Variants in TRPV2 observed in about 807,000 individuals in gnomAD.
TRPV2 encodes the protein OTRPC2.
A neutral mutation model predicts 91.0 loss-of-function variants in TRPV2; 58 were observed. The observed-to-expected ratio is 0.64, with a 90% CI of 0.52 to 0.79. The LOEUF is 0.79. Ranked by LOEUF, TRPV2 falls within the 30% of genes least tolerant of loss-of-function variation. The pLI is 0.00. For missense variants in TRPV2, 807 were observed against 969.6 expected (o/e 0.83, Z 2.23); for synonymous variants, 417 against 414.8 (o/e 1.01, Z -0.06).
Position 16,422,587 on chromosome 17 carries a change from T to G in TRPV2, c.335-12T>G. ...GCACCACTGTGCCCCTTCCCCTCCC[T>G]TCTTCCCACAGAGGGCTCCACAGGT... On this transcript the variant is annotated splice_polypyrimidine_tract_variant and intron_variant, in intron 3 of 14. Coordinates refer to ENST00000338560, the MANE Select transcript of TRPV2 (RefSeq NM_016113.5). 1.2e-6 allele frequency: 2 copies of G among 1,609,198 alleles called. No homozygotes were observed. The highest frequency in any genetic ancestry group is 1.7e-6 in the Non-Finnish European group (2 of 1,176,928).
chr17:16,428,804 T>A lies in TRPV2; in HGVS notation c.1422-13T>A. On this transcript the variant is annotated splice_polypyrimidine_tract_variant and intron_variant, in intron 9 of 14. Coordinates refer to ENST00000338560, the MANE Select transcript of TRPV2 (RefSeq NM_016113.5). ...GTGGCCCGCAAGCCCACCTGGATTC[T>A]GCTCCCACACAGCCTGTTCCAGGCC... is the stretch of plus-strand genomic sequence containing the variant. The A allele has an allele frequency of 6.2e-7, 1 of 1,612,680 alleles. No homozygotes were observed. The highest frequency in any genetic ancestry group is 8.5e-7 in the Non-Finnish European group (1 of 1,179,912).
In TRPV2 at chr17:16,427,466, G is replaced by C; in HGVS notation, c.1269G>C (p.Leu423=). ...GTCTTCAGCAGGCCGCCCCTCACCT[G>C]AAAGCGGAGGTTGGAAACTCCATGC... ...PTLKKQAAPH[L]KAEVGNSMLL... Residue 423 remains leucine, a synonymous_variant, in exon 8 of 15, where the codon CTG becomes CTC. Transcript: ENST00000338560. 1 of 1,613,912 alleles carries C rather than the reference G, an allele frequency of 6.2e-7. No individual in the cohort carries two copies. The highest frequency in any genetic ancestry group is 8.5e-7 in the Non-Finnish European group (1 of 1,179,860).
chr17:16,434,053 C>T (rs2093424835), intron 13 of TRPV2, among the ~76,000 whole-genome samples: 1 of 152,124 alleles, frequency 6.6e-6, no homozygotes, highest in African/African-American at 2.4e-5. Context: ...TGTCCCCCCA[C>T]CCCCAATTCT....
intron 8 of TRPV2, 144 bp from the exon 9 acceptor site, chr17:16,428,173 G>A (rs2093392972): frequency 2.8e-6 from 2 of 721,234 alleles, no homozygotes; most frequent in Non-Finnish European, 4.8e-6. Context: ...AGCTATCTCA[G>A]CTATCAGAAG....
At chr17:16,431,921 C>T (rs374119730) in intron 11 of TRPV2, 45 bp from the exon 12 acceptor site, 136 of 1,612,240 alleles carry the variant, frequency 8.4e-5, no homozygotes, top group African/African-American at 2.7e-5. Flanking sequence ...CCAAGGCTGC[C>T]CACCGGTCTC....
chr17:16,419,307 C>G (rs749451727), intron 2 of TRPV2: 7 of 470,766 alleles, frequency 1.5e-5, no homozygotes, highest in Non-Finnish European at 3.1e-5. Flanking sequence ...TTCTGACAAG[C>G]TACCAGATCC....
chr17:16,422,193 T>G (rs979044120), intron 3 of TRPV2, among the ~76,000 whole-genome samples: 2 of 151,160 alleles, frequency 1.3e-5, no homozygotes, highest in African/African-American at 4.9e-5. Flanking sequence ...TGTGGCGGTG[T>G]GCGCCTGTGG....
chr17:16,431,719 AG>A (rs2093413364), intron 10 of TRPV2, 64 bp from the exon 11 acceptor site: 6 of 1,472,894 alleles, frequency 4.1e-6, no homozygotes, highest in Non-Finnish European at 4.8e-6. Flanking sequence ...TGGGTGAGGC[AG>A]GGTTCTGGGG....
At position 16,426,900 on chromosome 17, in the gene TRPV2, G is replaced by C. The variant is rs1214583978; in HGVS notation, c.1251+23G>C. The C allele has an allele frequency of 6.2e-7, 1 of 1,601,662 alleles. No individual in the cohort carries two copies. Among genetic ancestry groups the C allele is most frequent in the Admixed American group, 1.7e-5 (1 of 58,960 alleles). ...AAGGCAAGGGCGTGAGGTTTGGGGGGGCACATCTTGGGGGAGGCCTGCTTG... is the reference window on the plus strand; with the variant it reads ...AAGGCAAGGGCGTGAGGTTTGGGGGCGCACATCTTGGGGGAGGCCTGCTTG... On this transcript the variant is annotated intron_variant, in intron 7 of 14. Coordinates refer to ENST00000338560, the MANE Select transcript of TRPV2 (RefSeq NM_016113.5). This position sits in a 1 kb window ranked among gnomAD's most constrained non-coding sequence, Gnocchi z 6.0.
intron 3 of TRPV2, 118 bp downstream of exon 3, chr17:16,420,366 A>G (rs2093351171): frequency 7.8e-7 from 1 of 1,281,776 alleles, no homozygotes; most frequent in Non-Finnish European, 1.1e-6. Flanking sequence ...CAGCCCTCCC[A>G]CTGGAAGGAT....
At chr17:16,421,678 C>T (rs573857793) in intron 3 of TRPV2, among the ~76,000 whole-genome samples, 5 of 151,914 alleles carry the variant, frequency 3.3e-5, no homozygotes, top group East Asian at 2.0e-4. Flanking sequence ...CCCAGCACTG[C>T]GCCTGGCTAA....
At chr17:16,416,680 GA>G (rs1251332593) in intron 1 of TRPV2, 2 of 152,180 alleles carry the variant, frequency 1.3e-5, no homozygotes, top group Non-Finnish European at 2.9e-5. Flanking sequence ...GACAGACCCT[GA>G]AAGGCTTTGA....
intron 2 of TRPV2, among the ~76,000 whole-genome samples, chr17:16,418,599 G>A (rs147237814): frequency 9.3e-4 from 141 of 152,212 alleles, no homozygotes; most frequent in Non-Finnish European, 1.6e-3. Context: ...TCCTGTTTGT[G>A]CTGGAGGACA....
intron 10 of TRPV2, 26 bp from the exon 11 acceptor site, chr17:16,431,758 C>A (rs1403491118): frequency 2.5e-6 from 4 of 1,613,046 alleles, no homozygotes; most frequent in Non-Finnish European, 3.4e-6. Context: ...GCTACCCACC[C>A]TGGCCCCTGG....
chr17:16,421,389 TG>T (rs2093355915), intron 3 of TRPV2, among the ~76,000 whole-genome samples: 3 of 150,886 alleles, frequency 2.0e-5, no homozygotes, highest in South Asian at 4.2e-4. Flanking sequence ...GCTAATTTTT[TG>T]TATTTTTTTA....
At chr17:16,430,765 G>A (rs1490739015) in intron 10 of TRPV2, among the ~76,000 whole-genome samples, 1 of 152,182 alleles carries the variant, frequency 6.6e-6, no homozygotes, top group Non-Finnish European at 1.5e-5. Flanking sequence ...GGGATTGCAG[G>A]CTGAGCCATC....
intron 5 of TRPV2, among the ~76,000 whole-genome samples, chr17:16,424,167 T>G (rs1333320764): frequency 6.6e-6 from 1 of 151,152 alleles, no homozygotes; most frequent in Non-Finnish European, 1.5e-5. Context: ...TTTTGTTTTT[T>G]TTTTTTTTGA....
At chr17:16,421,969 G>C (rs1427285703) in intron 3 of TRPV2, among the ~76,000 whole-genome samples, 1 of 152,086 alleles carries the variant, frequency 6.6e-6, no homozygotes, top group African/African-American at 2.4e-5. Context: ...TGAATGTTCT[G>C]CTGTAGACAG....
chr17:16,423,698 G>A lies in TRPV2; in HGVS notation c.855G>A (p.Gln285=), dbSNP rs938250315. The part of the protein sequence containing the change: ...QAGARLCPTV[Q]LEDIRNLQDL... ...GGGCCCGCCTCTGCCCTACCGTGCA[G>A]CTTGAGGACATCCGCAACCTGCAGG... is the stretch of plus-strand genomic sequence containing the variant. The change falls in exon 5 of 15, where the codon CAG becomes CAA. Residue 285 remains glutamine (Q), a synonymous_variant. Transcript: ENST00000338560. 1 of 1,612,916 alleles carries A rather than the reference G, an allele frequency of 6.2e-7. No homozygotes were observed. The highest frequency in any genetic ancestry group is 1.3e-5 in the African/African-American group (1 of 74,928).
Sources: allele counts gnomAD v4.1 joint callset (sites outside exome capture counted in the v4.1 genomes callset), GRCh38; gene constraint gnomAD v4.1.1; non-coding constraint Gnocchi (gnomAD v3.1); transcripts MANE v1.5; gene names NCBI Gene and HGNC (gene_info 2026-07-23, HGNC 2026-07-21).